Variants in ANK2 observed in about 807,000 individuals in gnomAD.
ANK2 encodes ankyrin-2.
Under a neutral mutation model 360.5 loss-of-function variants are expected in ANK2, and 83 were observed. That is an observed-to-expected ratio of 0.23 (90% CI 0.19 to 0.28). The LOEUF is 0.28. Ranked by LOEUF, ANK2 falls within the 10% of genes least tolerant of loss-of-function variation. The pLI, the probability that ANK2 is intolerant of heterozygous loss-of-function variation, is 1.00. For synonymous variants in ANK2, 1,740 were observed against 1,759.5 expected, an observed-to-expected ratio of 0.99 and a Z score of 0.28; for missense variants, 4,201 against 4,795.7, an observed-to-expected ratio of 0.88 and a Z score of 3.66.
intron 1 of ANK2, among the ~76,000 whole-genome samples, chr4:113,106,002 T>G (rs960156997): frequency 4.6e-5 from 7 of 152,344 alleles, no homozygotes; most frequent in South Asian, 2.1e-4. Flanking sequence ...TAAATTTTAC[T>G]AGCTTTCTGT....
At chr4:113,328,985 T>G (rs543195957) in intron 26 of ANK2, among the ~76,000 whole-genome samples, 1 of 151,188 alleles carries the variant, frequency 6.6e-6, no homozygotes, top group African/African-American at 2.5e-5. Context: ...ACAAATCCAG[T>G]TGGTTCTGTG....
chr4:113,100,846 G>T (rs7660069), intron 1 of ANK2, among the ~76,000 whole-genome samples: 73,644 of 151,944 alleles, frequency 0.48, 18,863 homozygotes, highest in African/African-American at 0.64. Flanking sequence ...AAGGGCATAT[G>T]GCTAAGTGAA....
chr4:113,229,136 C>T (rs1313921707), intron 4 of ANK2, among the ~76,000 whole-genome samples: 1 of 152,250 alleles, frequency 6.6e-6, no homozygotes, highest in Admixed American at 6.5e-5. Context: ...TATTACATAC[C>T]TGTTGCTACT....
At chr4:113,015,330 G>A (rs1486718109) in intron 2 of ANK2, among the ~76,000 whole-genome samples, 1 of 152,178 alleles carries the variant, frequency 6.6e-6, no homozygotes, top group Non-Finnish European at 1.5e-5. Flanking sequence ...GATTAAGGAT[G>A]AGAATAGACT....
intron 1 of ANK2, among the ~76,000 whole-genome samples, chr4:113,132,327 T>G (rs1582559861): frequency 6.6e-6 from 1 of 152,186 alleles, no homozygotes; most frequent in African/African-American, 2.4e-5. Flanking sequence ...CCTTCACTTT[T>G]TTCTCCTGGA....
At chr4:113,023,177 A>G (rs2058540741) in intron 2 of ANK2, among the ~76,000 whole-genome samples, 1 of 152,230 alleles carries the variant, frequency 6.6e-6, no homozygotes, top group Non-Finnish European at 1.5e-5. Context: ...GAGAGGGAAA[A>G]CAGAAGTGAG....
chr4:113,109,966 A>T (rs2094113738), intron 1 of ANK2, among the ~76,000 whole-genome samples: 1 of 152,162 alleles, frequency 6.6e-6, no homozygotes, highest in Non-Finnish European at 1.5e-5. Context: ...ATTTAATTTT[A>T]TACTTAGGTT....
At chr4:113,037,452 T>A (rs2061857848) in intron 2 of ANK2, among the ~76,000 whole-genome samples, 1 of 151,930 alleles carries the variant, frequency 6.6e-6, no homozygotes, top group Non-Finnish European at 1.5e-5. Context: ...ACTCTAAATG[T>A]TTTTGCAAAT....
the ANK2 span, among the ~76,000 whole-genome samples, chr4:112,730,985 A>G: frequency 6.6e-6 from 1 of 151,532 alleles, no homozygotes; most frequent in Admixed American, 6.6e-5. Flanking sequence ...TAAAAATACA[A>G]AAAAAAATTA....
At chr4:113,045,087 T>A (rs750669485), upstream of ANK2, among the ~76,000 whole-genome samples, 7 of 152,182 alleles carry the variant, frequency 4.6e-5, no homozygotes, top group Non-Finnish European at 8.8e-5. Context: ...GGAGATAATC[T>A]ACCTGTAAGA....
chr4:112,982,174 A>G (rs746418788), intron 2 of ANK2, among the ~76,000 whole-genome samples: 28 of 151,770 alleles, frequency 1.8e-4, no homozygotes, highest in Non-Finnish European at 3.4e-4. Context: ...CTGGAGTTAA[A>G]AGAAGAAAAA....
intron 2 of ANK2, among the ~76,000 whole-genome samples, chr4:112,948,103 T>C (rs745683206): frequency 4.6e-5 from 7 of 152,172 alleles, no homozygotes; most frequent in Non-Finnish European, 7.3e-5. Flanking sequence ...AAATTAGAAA[T>C]CAGAGTAGGG....
intron 17 of ANK2, among the ~76,000 whole-genome samples, chr4:113,279,066 A>G (rs1351210287): frequency 6.6e-6 from 1 of 151,964 alleles, no homozygotes; most frequent in Non-Finnish European, 1.5e-5. Context: ...TTTGGTGTAT[A>G]TCTAGCACCA....
chr4:112,872,863 A>T (rs926386384), intron 1 of ANK2, among the ~76,000 whole-genome samples: 3 of 151,992 alleles, frequency 2.0e-5, no homozygotes, highest in Admixed American at 6.5e-5. Context: ...CTGTGAAAAA[A>T]ATTTTTTTTT....
chr4:112,882,045 C>G (rs2076834246), intron 1 of ANK2: 1 of 424,302 alleles, frequency 2.4e-6, no homozygotes. Flanking sequence ...TTCTCCACTG[C>G]TCAGAAGGGC....
intron 35 of ANK2, among the ~76,000 whole-genome samples, chr4:113,346,495 C>T (rs761563307): frequency 2.0e-5 from 3 of 152,078 alleles, no homozygotes; most frequent in Admixed American, 1.3e-4. Context: ...TTCAGAACTG[C>T]CCCGTGATAT....
intron 2 of ANK2, among the ~76,000 whole-genome samples, chr4:112,926,636 G>T (rs564789939): frequency 8.1e-4 from 124 of 152,162 alleles, no homozygotes; most frequent in Non-Finnish European, 1.6e-3. Flanking sequence ...ACTTGTAGAG[G>T]TAGATGTTAA....
chr4:113,273,309 G>A (rs914085725), intron 14 of ANK2, among the ~76,000 whole-genome samples: 3 of 152,190 alleles, frequency 2.0e-5, no homozygotes, highest in Non-Finnish European at 2.9e-5. Context: ...CTGTTAGAAA[G>A]ATGGGTCACA....
the ANK2 span, chr4:112,797,328 G>C: frequency 6.6e-6 from 1 of 152,190 alleles, no homozygotes; most frequent in Non-Finnish European, 1.5e-5. Flanking sequence ...AGCTGTCTAA[G>C]CAGTAAATAG....
Sources: allele counts gnomAD v4.1 joint callset (sites outside exome capture counted in the v4.1 genomes callset), GRCh38; gene constraint gnomAD v4.1.1; transcripts MANE v1.5; gene names NCBI Gene and HGNC (gene_info 2026-07-23, HGNC 2026-07-21).